The following IGSF11 variants were observed in gnomAD, a reference collection of about 807,000 sequenced individuals.
The protein encoded by IGSF11 is immunoglobulin superfamily member 11, also known as CXADR like 1.
A neutral mutation model predicts 41.0 loss-of-function variants in IGSF11; 22 were observed. That is an observed-to-expected ratio of 0.54 (90% CI 0.38 to 0.77). The LOEUF (loss-of-function observed/expected upper bound fraction) is 0.77, where lower values mean the gene tolerates loss of function less well. Ranked by LOEUF, IGSF11 falls within the 30% of genes least tolerant of loss-of-function variation. The probability of loss-of-function intolerance (pLI) is 0.00; values close to 1 mark genes in which losing one functional copy is unlikely to be tolerated. For missense variants in IGSF11, 444 were observed against 530.8 expected, an observed-to-expected ratio of 0.84 and a Z score of 1.61; for synonymous variants, 219 against 201.3, an observed-to-expected ratio of 1.09 and a Z score of -0.74.
intron 1 of IGSF11, among the ~76,000 whole-genome samples, chr3:119,139,127 C>G (rs2077604094): frequency 6.6e-6 from 1 of 151,906 alleles, no homozygotes; most frequent in African/African-American, 2.4e-5. Flanking sequence ...TCTCATTTAA[C>G]CCATAGATAT....
At chr3:118,997,987 T>C (rs1230596379) in intron 1 of IGSF11, among the ~76,000 whole-genome samples, 3 of 152,196 alleles carry the variant, frequency 2.0e-5, no homozygotes, top group Non-Finnish European at 4.4e-5. Flanking sequence ...TCCTCCTTAA[T>C]TTCTGCCAAC....
At chr3:119,112,263 G>A (rs559150672) in intron 1 of IGSF11, among the ~76,000 whole-genome samples, 156 of 152,276 alleles carry the variant, frequency 1.0e-3, no homozygotes, top group African/African-American at 3.5e-3. Context: ...CGAGCTTCCC[G>A]CCTGCTTTGT....
At chr3:119,059,202 C>T (rs925327170) in intron 1 of IGSF11, among the ~76,000 whole-genome samples, 2 of 151,452 alleles carry the variant, frequency 1.3e-5, no homozygotes, top group Non-Finnish European at 2.9e-5. Context: ...CACACACACA[C>T]ACACACCACA....
chr3:119,042,330 G>C (rs1941147922), intron 1 of IGSF11, among the ~76,000 whole-genome samples: 1 of 152,252 alleles, frequency 6.6e-6, no homozygotes, highest in South Asian at 2.1e-4. Flanking sequence ...GGCGAAGCCT[G>C]AGAGCCCTGC....
At chr3:119,052,897 T>A (rs1488676775) in intron 1 of IGSF11, among the ~76,000 whole-genome samples, 1 of 152,110 alleles carries the variant, frequency 6.6e-6, no homozygotes, top group South Asian at 2.1e-4. Flanking sequence ...ACAAAGGTCA[T>A]ATGATCATCT....
chr3:119,001,316 A>G (rs1246877048), intron 1 of IGSF11, among the ~76,000 whole-genome samples: 4 of 151,488 alleles, frequency 2.6e-5, no homozygotes, highest in Admixed American at 6.6e-5. Context: ...TCTTTTGCCA[A>G]TAGAATGTAA....
chr3:119,113,998 G>C (rs559930036), intron 1 of IGSF11, among the ~76,000 whole-genome samples: 17 of 152,220 alleles, frequency 1.1e-4, no homozygotes, highest in African/African-American at 4.1e-4. Flanking sequence ...CATATCTGGG[G>C]CCCTTTTAGC....
chr3:118,997,806 C>T (rs1272132521), intron 1 of IGSF11, among the ~76,000 whole-genome samples: 1 of 152,046 alleles, frequency 6.6e-6, no homozygotes, highest in Admixed American at 6.5e-5. Context: ...GACTTTCAAA[C>T]AATAATAAAA....
At chr3:118,931,266 G>C (rs149304345) in intron 1 of IGSF11, among the ~76,000 whole-genome samples, 1 of 152,024 alleles carries the variant, frequency 6.6e-6, no homozygotes, top group African/African-American at 2.4e-5. Flanking sequence ...CTAAATCATC[G>C]TAACATACAA....
At chr3:119,061,105 T>C (rs762424080) in intron 1 of IGSF11, among the ~76,000 whole-genome samples, 5 of 152,190 alleles carry the variant, frequency 3.3e-5, no homozygotes, top group Non-Finnish European at 7.3e-5. Flanking sequence ...ATACTTTTAA[T>C]TCAAATAAAT....
rs1455489307 is a variant in IGSF11, at chr3:118,961,181, A to T, written c.53-30906T>A. Among the ~76,000 whole-genome samples the T allele has an allele frequency of 4.6e-5, 7 of 152,344 alleles. 1 individual carries two copies. The Middle Eastern group carries it at 0.017, about 370-fold the overall frequency. On this transcript the variant is annotated intron_variant, in intron 1 of 6. Coordinates refer to ENST00000393775, the MANE Select transcript of IGSF11 (RefSeq NM_001015887.3). Reference sequence around the variant, plus strand: ...AGGCATCATTGCTGTTGTCAGCTACAAAGTGACCCTCTTCCTGGGGCCAGT... The same window carrying T: ...AGGCATCATTGCTGTTGTCAGCTACTAAGTGACCCTCTTCCTGGGGCCAGT...
intron 1 of IGSF11, among the ~76,000 whole-genome samples, chr3:119,055,013 GGTTCACCAATATCCGTT>G (rs755198054): frequency 3.9e-5 from 6 of 152,150 alleles, no homozygotes; most frequent in Non-Finnish European, 8.8e-5. Flanking sequence ...CAGCATTGGC[GGTTCACCAATATCCGTT>G]GTTCTGCAGC....
intron 1 of IGSF11, among the ~76,000 whole-genome samples, chr3:119,046,263 G>A (rs889590283): frequency 8.3e-4 from 124 of 149,386 alleles, no homozygotes; most frequent in African/African-American, 3.0e-3. Context: ...TTAGAAGAAT[G>A]TATAACTAGG....
chr3:119,057,124 G>A (rs1282833338), intron 1 of IGSF11, among the ~76,000 whole-genome samples: 1 of 152,092 alleles, frequency 6.6e-6, no homozygotes, highest in Non-Finnish European at 1.5e-5. Context: ...TCTGGCCAGG[G>A]CAATTAGGCA....
intron 1 of IGSF11, among the ~76,000 whole-genome samples, chr3:119,000,700 T>C (rs941285875): frequency 6.6e-6 from 1 of 152,188 alleles, no homozygotes; most frequent in Admixed American, 6.6e-5. Flanking sequence ...ATCAGGATGA[T>C]AATTTTGAAG....
chr3:118,945,719 T>C (rs1944076437), intron 1 of IGSF11: 1 of 152,184 alleles, frequency 6.6e-6, no homozygotes, highest in Non-Finnish European at 1.5e-5. Flanking sequence ...CTCTAAGCTT[T>C]TCTTACCTCA....
At chr3:118,952,343 T>A (rs541905446) in intron 1 of IGSF11, among the ~76,000 whole-genome samples, 1 of 152,304 alleles carries the variant, frequency 6.6e-6, no homozygotes, top group East Asian at 1.9e-4. Context: ...AAGATTTCTC[T>A]GTAGCAGGCA....
chr3:119,035,150 C>G (rs1456736287), upstream of IGSF11, among the ~76,000 whole-genome samples: 2 of 152,210 alleles, frequency 1.3e-5, no homozygotes, highest in Non-Finnish European at 2.9e-5. Context: ...AACCCCTCCG[C>G]AAACAGGTGG....
At chr3:118,994,767 T>C (rs1024612330) in intron 1 of IGSF11, among the ~76,000 whole-genome samples, 2 of 152,170 alleles carry the variant, frequency 1.3e-5, no homozygotes, top group Non-Finnish European at 2.9e-5. Context: ...ATGTGCAAAC[T>C]ACAGGAATAA....
Sources: allele counts gnomAD v4.1 joint callset (sites outside exome capture counted in the v4.1 genomes callset), GRCh38; gene constraint gnomAD v4.1.1; transcripts MANE v1.5; gene names NCBI Gene and HGNC (gene_info 2026-07-23, HGNC 2026-07-21).